The following FAM180A variants were observed in gnomAD, a reference collection of about 807,000 sequenced individuals.
FAM180A encodes the protein family with sequence similarity 180 member A.
Under a neutral mutation model 15.3 loss-of-function variants are expected in FAM180A, and 14 were observed. The observed-to-expected ratio is 0.92, with a 90% confidence interval of 0.61 to 1.43. FAM180A has a LOEUF of 1.43. FAM180A is among the 40% of genes most tolerant of loss of function. FAM180A has a pLI of 0.00. For missense variants in FAM180A, 200 were observed against 220.8 expected (o/e 0.91, Z 0.60); for synonymous variants, 90 against 96.8 (o/e 0.93, Z 0.41).
intron 1 of FAM180A, among the ~76,000 whole-genome samples, chr7:135,747,909 G>A (rs10954502): frequency 0.39 from 58,877 of 152,038 alleles, 11,795 homozygotes; most frequent in Admixed American, 0.52. Flanking sequence ...ATCCTGAGGG[G>A]GAGGAAGTCA....
At chr7:135,740,063 C>T (rs916052442) in intron 1 of FAM180A, among the ~76,000 whole-genome samples, 7 of 152,150 alleles carry the variant, frequency 4.6e-5, no homozygotes, top group Non-Finnish European at 1.0e-4. Context: ...AGAGTTTATA[C>T]TCTTTGCCAA....
intron 1 of FAM180A, among the ~76,000 whole-genome samples, chr7:135,738,768 G>T: frequency 6.6e-6 from 1 of 152,182 alleles, no homozygotes; most frequent in East Asian, 1.9e-4. Flanking sequence ...TGGGGAGCAG[G>T]CACTGTGCAG....
At chr7:135,737,799 C>A (rs954496215) in intron 1 of FAM180A, among the ~76,000 whole-genome samples, 3 of 152,000 alleles carry the variant, frequency 2.0e-5, no homozygotes, top group Non-Finnish European at 4.4e-5. Context: ...AAGGAAGAAC[C>A]ATCTGAGAAA....
At chr7:135,735,418 C>G (rs927044668) in intron 2 of FAM180A, among the ~76,000 whole-genome samples, 1 of 152,220 alleles carries the variant, frequency 6.6e-6, no homozygotes, top group Non-Finnish European at 1.5e-5. Context: ...GACCTGCCCA[C>G]TAAGCGTGGG....
chr7:135,739,881 TGGC>T (rs1474708330), intron 1 of FAM180A, among the ~76,000 whole-genome samples: 17 of 152,308 alleles, frequency 1.1e-4, no homozygotes, highest in Admixed American at 2.6e-4. Context: ...TCTGTACCCG[TGGC>T]AGAGCCTGGC....
At position 135,748,794 on chromosome 7, in the gene FAM180A, C is replaced by T; in HGVS notation, c.-214G>A. The T allele has an allele frequency of 1.8e-6, 1 of 559,840 alleles. No homozygotes were observed. Among genetic ancestry groups the T allele is most frequent in the Non-Finnish European group, 3.2e-6 (1 of 312,596 alleles). 34.7% of individuals were successfully genotyped at this position (559,840 alleles called of 1,614,324 possible). A position where few individuals can be genotyped will look rare whatever the true frequency, so the allele number is the denominator to read the frequency against. On this transcript the variant is annotated 5_prime_UTR_variant, in exon 1 of 4. Transcript: ENST00000338588. ...AGTCGGTACCTCTCTTCATTTGACG[C>T]TCTCTGGGATTGGGGAACTGGCCTT... is the stretch of plus-strand genomic sequence containing the variant.
rs770849598 is a variant in FAM180A at position 135,737,223 on chromosome 7, T to G, written c.77-24A>C. 3.9e-6 allele frequency: 6 copies of G among 1,544,570 alleles called. 1 individual carries two copies. In the South Asian group the frequency reaches 7.5e-5, roughly 19 times the overall value. ...AGCTGAAAGAAAGAAAACAGTGAGT[T>G]CCTGGCTGCTGTGTGCGCCCAGACC... On this transcript the variant is annotated intron_variant, in intron 1 of 3. Coordinates refer to ENST00000338588, the MANE Select transcript of FAM180A (RefSeq NM_205855.4).
At chr7:135,748,259 G>A (rs1797059371) in intron 1 of FAM180A, among the ~76,000 whole-genome samples, 1 of 152,148 alleles carries the variant, frequency 6.6e-6, no homozygotes, top group South Asian at 2.1e-4. Flanking sequence ...TCTCTGGGAT[G>A]CCAGAAAGGG....
At position 135,730,256 on chromosome 7, in the gene FAM180A, C is replaced by A; in HGVS notation, c.*355G>T. The A allele has an allele frequency of 4.1e-6, 4 of 985,298 alleles. No homozygotes were observed. The South Asian group carries it at 1.9e-4, about 46-fold the overall frequency. 61.0% of individuals were successfully genotyped at this position (985,298 alleles called of 1,614,324 possible). A position where few individuals can be genotyped will look rare whatever the true frequency, so the allele number is the denominator to read the frequency against. ...GAGGAAACTTAGAAAGTTTTTAGATCCTGGGCCAGGCACGGTGGCTCACGC... is the reference window on the plus strand; with the variant it reads ...GAGGAAACTTAGAAAGTTTTTAGATACTGGGCCAGGCACGGTGGCTCACGC... On this transcript the variant is annotated 3_prime_UTR_variant, in exon 4 of 4. Transcript: ENST00000338588.
At chr7:135,733,111 AT>A (rs1796812499) in intron 3 of FAM180A, among the ~76,000 whole-genome samples, 1 of 152,232 alleles carries the variant, frequency 6.6e-6, no homozygotes, top group African/African-American at 2.4e-5. Flanking sequence ...AGGTCATAAA[AT>A]TACTGATTTT....
Position 135,729,759 on chromosome 7 carries a change from G to A in FAM180A, c.*852C>T, listed in dbSNP as rs1796754319. On this transcript the variant is annotated 3_prime_UTR_variant, in exon 4 of 4. Transcript: ENST00000338588. ...TTCCAGAATACAATGCTCAAGAAAT[G>A]TAAGCCAGATCCCGCTTGTATGAGG... 1.0e-6 allele frequency: 1 copy of A among 985,228 alleles called. No homozygotes were observed. Among genetic ancestry groups the A allele is most frequent in the Non-Finnish European group, 1.2e-6 (1 of 829,834 alleles). The allele number at this position is 985,228 out of a possible 1,614,324, so 61.0% of individuals were successfully genotyped here. A position where few individuals can be genotyped will look rare whatever the true frequency, so the allele number is the denominator to read the frequency against.
intron 1 of FAM180A, among the ~76,000 whole-genome samples, chr7:135,742,415 C>A (rs1206295312): frequency 2.6e-5 from 4 of 152,198 alleles, no homozygotes; most frequent in Admixed American, 2.6e-4. Flanking sequence ...TAGACTTGCT[C>A]CTACATTTTA....
intron 3 of FAM180A, among the ~76,000 whole-genome samples, chr7:135,732,682 G>A (rs1417434325): frequency 6.9e-6 from 1 of 143,964 alleles, no homozygotes; most frequent in African/African-American, 2.6e-5. Context: ...GGCAGAGCGA[G>A]ACTCCATCAC....
chr7:135,743,384 TA>T (rs1231708931), intron 1 of FAM180A, among the ~76,000 whole-genome samples: 3 of 152,120 alleles, frequency 2.0e-5, no homozygotes, highest in African/African-American at 7.2e-5. Flanking sequence ...TATTTTATTT[TA>T]TTTTTTTTAA....
intron 2 of FAM180A, among the ~76,000 whole-genome samples, chr7:135,736,169 C>T (rs1351339110): frequency 9.9e-5 from 15 of 151,896 alleles, no homozygotes; most frequent in African/African-American, 3.1e-4. Context: ...ATTACAGGCA[C>T]GTGCCACCAT....
At chr7:135,741,946 AG>A (rs1485040615) in intron 1 of FAM180A, among the ~76,000 whole-genome samples, 2 of 152,352 alleles carry the variant, frequency 1.3e-5, no homozygotes, top group East Asian at 3.9e-4. Context: ...GTAAAAAATT[AG>A]AATGTATGTG....
chr7:135,735,681 T>C (rs1450450851), intron 2 of FAM180A, among the ~76,000 whole-genome samples: 1 of 152,218 alleles, frequency 6.6e-6, no homozygotes, highest in Non-Finnish European at 1.5e-5. Context: ...CTTAACTGCA[T>C]GGCTACAGCA....
chr7:135,734,198 C>G lies in FAM180A; in HGVS notation c.299G>C (p.Ser100Thr), dbSNP rs762040303. 1.2e-4 allele frequency: 195 copies of G among 1,614,100 alleles called. No homozygotes were observed. The East Asian group carries it at 4.2e-3, about 35-fold the overall frequency. Residue 100 changes from serine (S) to threonine (T), a missense_variant, in exon 3 of 4, where the codon AGC becomes ACC. Coordinates refer to ENST00000338588, the MANE Select transcript of FAM180A (RefSeq NM_205855.4). ...GCTGAGCCGGCGGATGTCTGGGATGCTCTTGGGGATGACGTTGTTGCAGAC... is the reference window on the plus strand; with the variant it reads ...GCTGAGCCGGCGGATGTCTGGGATGGTCTTGGGGATGACGTTGTTGCAGAC... The part of the protein sequence containing the change: ...RTVCNNVIPK[S>T]IPDIRRLSAS...
At chr7:135,741,924 T>A (rs1796956224) in intron 1 of FAM180A, among the ~76,000 whole-genome samples, 1 of 152,100 alleles carries the variant, frequency 6.6e-6, no homozygotes, top group South Asian at 2.1e-4. Flanking sequence ...GTCCTACCAA[T>A]CCATTTAAAA....
Sources: allele counts gnomAD v4.1 joint callset (sites outside exome capture counted in the v4.1 genomes callset), GRCh38; gene constraint gnomAD v4.1.1; transcripts MANE v1.5; gene names NCBI Gene and HGNC (gene_info 2026-07-23, HGNC 2026-07-21).